BIRC6: variants seen among roughly 807,000 people sequenced by gnomAD.
BIRC6 encodes baculoviral IAP repeat containing 6, also known as dual E2 ubiquitin-conjugating enzyme/E3 ubiquitin-protein ligase BIRC6.
Under a neutral mutation model 503.3 loss-of-function variants are expected in BIRC6, and 98 were observed. The ratio of observed to expected loss-of-function variants is 0.19; its 90% CI spans 0.17 to 0.23. The LOEUF (loss-of-function observed/expected upper bound fraction) is 0.23, where lower values mean the gene tolerates loss of function less well. Ranked by LOEUF, BIRC6 falls within the 10% of genes least tolerant of loss-of-function variation. The pLI is 1.00. For synonymous variants in BIRC6, 2,240 were observed against 2,078.7 expected, an observed-to-expected ratio of 1.08 and a Z score of -2.11; for missense variants, 5,360 against 5,806.0, an observed-to-expected ratio of 0.92 and a Z score of 2.50.
chr2:32,558,954 C>G (rs1019968816), intron 65 of BIRC6: 1 of 152,070 alleles, frequency 6.6e-6, no homozygotes, highest in African/African-American at 2.4e-5. Context: ...CATATTTCCT[C>G]CAAAATGCTA....
intron 23 of BIRC6, among the ~76,000 whole-genome samples, chr2:32,460,271 TA>T (rs1356461066): frequency 0.012 from 549 of 46,328 alleles, 17 homozygotes; most frequent in Non-Finnish European, 0.015. Context: ...TATATATATA[TA>T]TTTTTTTTTT....
At chr2:32,467,462 T>C (rs2048682279) in intron 26 of BIRC6, 63 bp from the exon 27 acceptor site, 3 of 1,278,122 alleles carry the variant, frequency 2.3e-6, no homozygotes, top group Non-Finnish European at 3.4e-6. Flanking sequence ...CCAAATTATT[T>C]TTGAGTGTAT....
chr2:32,446,056 A>G (rs1000051893), intron 21 of BIRC6, among the ~76,000 whole-genome samples: 17 of 151,984 alleles, frequency 1.1e-4, no homozygotes, highest in African/African-American at 4.1e-4. Flanking sequence ...GGGTTTCTTC[A>G]TGTTGGTCAG....
intron 10 of BIRC6, among the ~76,000 whole-genome samples, chr2:32,424,356 A>T (rs2043247554): frequency 6.6e-6 from 1 of 152,086 alleles, no homozygotes; most frequent in South Asian, 2.1e-4. Context: ...GTAAGGGGTG[A>T]CTATTGTAAC....
intron 23 of BIRC6, 79 bp downstream of exon 23, chr2:32,454,021 T>C: frequency 1.1e-5 from 13 of 1,175,262 alleles, no homozygotes; most frequent in Non-Finnish European, 1.5e-5. Flanking sequence ...TTAAACATTA[T>C]TTCTAATTAT....
chr2:32,484,904 A>G (rs2050824324), intron 39 of BIRC6, among the ~76,000 whole-genome samples: 1 of 152,136 alleles, frequency 6.6e-6, no homozygotes, highest in Non-Finnish European at 1.5e-5. Context: ...CAATGTTGTC[A>G]TCTGTTTTTT....
At position 32,515,220 on chromosome 2, in the gene BIRC6, A is replaced by G; in HGVS notation, c.10799A>G (p.Gln3600Arg). ...SSLTDDSKNAQAPLALTESHL... is the reference protein window; with the variant it reads ...SSLTDDSKNARAPLALTESHL... ...TTAACAGATGACTCTAAAAATGCAC[A>G]AGCACCTCTCGCATTAACTGAATCA... is the stretch of plus-strand genomic sequence containing the variant. Residue 3600 changes from glutamine to arginine, a missense_variant, in exon 55 of 74, where the codon CAA becomes CGA. Physicochemically the swap from Gln to Arg is conservative, Grantham distance 43 (BLOSUM62 1). This residue lies in a region of BIRC6 where 878 missense variants were observed against 928.9 expected (regional missense o/e 0.95). Coordinates refer to ENST00000421745, the MANE Select transcript of BIRC6 (RefSeq NM_016252.4). The G allele has an allele frequency of 6.2e-7, 1 of 1,613,924 alleles. No homozygotes were observed. The highest frequency in any genetic ancestry group is 1.3e-5 in the African/African-American group (1 of 75,070).
At chr2:32,369,996 ATGTGTG>A (rs1179794635) in intron 1 of BIRC6, among the ~76,000 whole-genome samples, 1 of 111,932 alleles carries the variant, frequency 8.9e-6, no homozygotes, top group Non-Finnish European at 1.8e-5. Context: ...GTATGTATGT[ATGTGTG>A]TGTATATATA....
intron 23 of BIRC6, among the ~76,000 whole-genome samples, chr2:32,462,419 A>G (rs1346753389): frequency 6.6e-6 from 1 of 152,216 alleles, no homozygotes; most frequent in Non-Finnish European, 1.5e-5. Context: ...AATCTGTTGT[A>G]GGGTTTCACA....
chr2:32,447,430 GC>G (rs1467654686), intron 21 of BIRC6, among the ~76,000 whole-genome samples: 1 of 148,772 alleles, frequency 6.7e-6, no homozygotes, highest in Non-Finnish European at 1.5e-5. Context: ...CGGGCGGGGG[GC>G]TGACCCCCCA....
At chr2:32,429,427 T>C (rs537963394) in intron 11 of BIRC6, 132 bp downstream of exon 11, 216 of 671,182 alleles carry the variant, frequency 3.2e-4, no homozygotes, top group Admixed American at 5.2e-4. Flanking sequence ...TACTCAATAT[T>C]TGTGAAGTCA....
intron 45 of BIRC6, among the ~76,000 whole-genome samples, chr2:32,496,343 A>G (rs577475855): frequency 2.6e-5 from 4 of 151,812 alleles, no homozygotes; most frequent in African/African-American, 9.7e-5. Flanking sequence ...CTCATGCTTC[A>G]GCCTCCTGAG....
intron 1 of BIRC6, among the ~76,000 whole-genome samples, chr2:32,373,252 C>T (rs1292167658): frequency 1.3e-5 from 2 of 151,846 alleles, no homozygotes; most frequent in Non-Finnish European, 2.9e-5. Flanking sequence ...TTCTAAAATT[C>T]ATATAGAATC....
chr2:32,539,451 TTTAAAAACA>T (rs1385127236), intron 61 of BIRC6, among the ~76,000 whole-genome samples: 2 of 152,298 alleles, frequency 1.3e-5, no homozygotes, highest in African/African-American at 2.4e-5. Context: ...TCTCAGTAAA[TTTAAAAACA>T]TTAAAATCAA....
intron 65 of BIRC6, chr2:32,563,420 A>G (rs961684027): frequency 2.4e-4 from 37 of 152,168 alleles, no homozygotes; most frequent in African/African-American, 8.9e-4. Context: ...CTAAGGCTTC[A>G]TTATTGTGCC....
chr2:32,455,472 G>A (rs2047159057), intron 23 of BIRC6, among the ~76,000 whole-genome samples: 1 of 150,958 alleles, frequency 6.6e-6, no homozygotes, highest in East Asian at 1.9e-4. Context: ...AATACAAAAA[G>A]TATTGCTGGG....
intron 4 of BIRC6, among the ~76,000 whole-genome samples, chr2:32,389,985 T>C (rs1391968085): frequency 6.6e-6 from 1 of 151,530 alleles, no homozygotes; most frequent in Non-Finnish European, 1.5e-5. Flanking sequence ...TCAGCCTCCT[T>C]GGTAGCTGGG....
At chr2:32,425,503 G>A (rs963889201) in intron 10 of BIRC6, among the ~76,000 whole-genome samples, 2 of 132,888 alleles carry the variant, frequency 1.5e-5, no homozygotes, top group African/African-American at 5.7e-5. Context: ...GTAATTTTTT[G>A]TTGTAGTCAG....
chr2:32,495,861 G>C (rs531583431), intron 45 of BIRC6, among the ~76,000 whole-genome samples: 3 of 137,614 alleles, frequency 2.2e-5, no homozygotes, highest in Non-Finnish European at 4.6e-5. Context: ...TTTTTGAGAC[G>C]GAGTCTCTCT....
Sources: allele counts gnomAD v4.1 joint callset (sites outside exome capture counted in the v4.1 genomes callset), GRCh38; gene constraint gnomAD v4.1.1; regional missense constraint gnomAD v4.1.1; transcripts MANE v1.5; gene names NCBI Gene and HGNC (gene_info 2026-07-23, HGNC 2026-07-21).